The following KLHL14 variants were observed in gnomAD, a reference collection of about 807,000 sequenced individuals.
KLHL14 encodes kelch like family member 14, also known as kelch-like protein 14.
In KLHL14, 22 loss-of-function variants were observed where a neutral mutation model predicts 64.3. The observed-to-expected ratio is 0.34, with a 90% CI of 0.24 to 0.49. The LOEUF is 0.49. Ranked by LOEUF, KLHL14 falls within the 20% of genes least tolerant of loss-of-function variation. KLHL14 has a pLI of 0.99. For missense variants in KLHL14, 661 were observed against 789.0 expected, an observed-to-expected ratio of 0.84 and a Z score of 1.94; for synonymous variants, 322 against 333.4, an observed-to-expected ratio of 0.97 and a Z score of 0.37.
chr18:32,686,763 T>G (rs1183139646), intron 5 of KLHL14, among the ~76,000 whole-genome samples: 1 of 152,148 alleles, frequency 6.6e-6, no homozygotes, highest in Non-Finnish European at 1.5e-5. Flanking sequence ...TTAAATAATT[T>G]AATATTGAGT....
intron 2 of KLHL14, among the ~76,000 whole-genome samples, chr18:32,746,085 C>T (rs924651930): frequency 1.8e-4 from 27 of 152,122 alleles, no homozygotes; most frequent in African/African-American, 6.0e-4. Context: ...ACCAATTTAG[C>T]CCAAATTAAT....
intron 3 of KLHL14, among the ~76,000 whole-genome samples, chr18:32,725,533 G>A (rs1011308304): frequency 1.3e-5 from 2 of 152,164 alleles, no homozygotes; most frequent in African/African-American, 2.4e-5. Flanking sequence ...CGTGGCTAAT[G>A]AGCCAATGTC....
At chr18:32,733,382 A>T (rs1044441344) in intron 3 of KLHL14, among the ~76,000 whole-genome samples, 2 of 142,126 alleles carry the variant, frequency 1.4e-5, no homozygotes, top group Non-Finnish European at 3.1e-5. Flanking sequence ...AGAGAAAGAG[A>T]GAGAAAGGAG....
intron 3 of KLHL14, among the ~76,000 whole-genome samples, chr18:32,740,202 A>C (rs566445125): frequency 1.3e-5 from 2 of 152,312 alleles, no homozygotes; most frequent in African/African-American, 4.8e-5. Context: ...GTTCCAGTCT[A>C]TACCTGTTGT....
chr18:32,759,938 G>A (rs2050305280), intron 2 of KLHL14, among the ~76,000 whole-genome samples: 2 of 152,148 alleles, frequency 1.3e-5, no homozygotes, highest in South Asian at 4.1e-4. Flanking sequence ...AGAAAGTGGT[G>A]AGGGCCTAGT....
Position 32,735,672 on chromosome 18 carries a change from G to T in KLHL14, c.1069+6256C>A, listed in dbSNP as rs553840632. On this transcript the variant is annotated intron_variant, in intron 3 of 8. Transcript: ENST00000359358. ...ATTAGATCAGGACTCTCCACTGCCAGATCTTATATATTTTATACCCTTCTC... is the reference window on the plus strand; with the variant it reads ...ATTAGATCAGGACTCTCCACTGCCATATCTTATATATTTTATACCCTTCTC... 2.0e-4 allele frequency among the ~76,000 whole-genome samples: 30 copies of T among 152,158 alleles called. 1 individual carries two copies. The South Asian group carries it at 6.2e-3, about 32-fold the overall frequency.
At chr18:32,737,259 A>C (rs1414902339) in intron 3 of KLHL14, 1 of 152,166 alleles carries the variant, frequency 6.6e-6, no homozygotes, top group Non-Finnish European at 1.5e-5. Flanking sequence ...AAAGCCCTTA[A>C]TTTAACTTAC....
intron 3 of KLHL14, among the ~76,000 whole-genome samples, chr18:32,733,030 A>G (rs1216214238): frequency 6.6e-6 from 1 of 152,240 alleles, no homozygotes; most frequent in Non-Finnish European, 1.5e-5. Context: ...AGATGATCTC[A>G]GAAAAAGCTG....
chr18:32,768,956 C>T (rs79729852), intron 2 of KLHL14, among the ~76,000 whole-genome samples: 2 of 152,296 alleles, frequency 1.3e-5, no homozygotes, highest in East Asian at 3.9e-4. Context: ...AAGATTCACC[C>T]CATCACCCTG....
intron 8 of KLHL14, among the ~76,000 whole-genome samples, chr18:32,675,519 G>A (rs1183724004): frequency 6.6e-6 from 1 of 152,150 alleles, no homozygotes; most frequent in African/African-American, 2.4e-5. Context: ...TGAAGAATCA[G>A]AGCTAGGATT....
intron 3 of KLHL14, among the ~76,000 whole-genome samples, chr18:32,708,487 T>C (rs1023006337): frequency 5.3e-5 from 8 of 152,194 alleles, no homozygotes; most frequent in African/African-American, 1.7e-4. Flanking sequence ...GCGTGCCCTA[T>C]TCAATCTCTC....
chr18:32,726,439 C>T (rs2050108486), intron 3 of KLHL14, among the ~76,000 whole-genome samples: 1 of 152,008 alleles, frequency 6.6e-6, no homozygotes, highest in Non-Finnish European at 1.5e-5. Flanking sequence ...GCCTGGCCAA[C>T]ATGTTGAAAC....
chr18:32,750,032 G>T (rs750232680), intron 2 of KLHL14, among the ~76,000 whole-genome samples: 64 of 151,722 alleles, frequency 4.2e-4, no homozygotes, highest in Non-Finnish European at 7.9e-4. Context: ...GGTGAGGGGG[G>T]CAATGAGAGA....
intron 4 of KLHL14, among the ~76,000 whole-genome samples, chr18:32,689,377 A>G (rs1047518866): frequency 6.6e-6 from 1 of 152,158 alleles, no homozygotes; most frequent in African/African-American, 2.4e-5. Flanking sequence ...TAGGGGGGAA[A>G]GGTGTGGTAT....
At chr18:32,728,840 T>C (rs944731590) in intron 3 of KLHL14, among the ~76,000 whole-genome samples, 14 of 151,920 alleles carry the variant, frequency 9.2e-5, no homozygotes, top group African/African-American at 3.1e-4. Flanking sequence ...GAGACAGAGA[T>C]TGAAGTGATG....
In KLHL14 at chr18:32,674,362, T is replaced by C; in HGVS notation, c.*295A>G. 3.2e-6 allele frequency: 1 copy of C among 308,008 alleles called. No individual in the cohort carries two copies. The highest frequency in any genetic ancestry group is 6.1e-6 in the Non-Finnish European group (1 of 164,542). 19.1% of individuals were successfully genotyped at this position (308,008 alleles called of 1,614,324 possible). On this transcript the variant is annotated 3_prime_UTR_variant, in exon 9 of 9. Coordinates refer to ENST00000359358, the MANE Select transcript of KLHL14 (RefSeq NM_020805.3). ...GGGCCAGTCTTCTGTATTTTATCTT[T>C]CTCCTTTTGCAAGTTAAGATTCACA...
In KLHL14 at chr18:32,717,158, G is replaced by A. The variant is rs141655563; in HGVS notation, c.1070-21606C>T. On this transcript the variant is annotated intron_variant, in intron 3 of 8. Coordinates refer to ENST00000359358, the MANE Select transcript of KLHL14 (RefSeq NM_020805.3). Reference sequence around the variant, plus strand: ...TTCTATTTGGCCCACTTTTAGTTACGTGAGAAAACGTTATAAATTCCTGTC... The same window carrying A: ...TTCTATTTGGCCCACTTTTAGTTACATGAGAAAACGTTATAAATTCCTGTC... 1.2e-3 allele frequency among the ~76,000 whole-genome samples: 184 copies of A among 152,302 alleles called. 1 individual carries two copies. The highest frequency in any genetic ancestry group is 3.1e-3 in the South Asian group (15 of 4,822).
At chr18:32,722,122 C>T (rs992266586) in intron 3 of KLHL14, among the ~76,000 whole-genome samples, 1 of 152,180 alleles carries the variant, frequency 6.6e-6, no homozygotes, top group Non-Finnish European at 1.5e-5. Context: ...TGACTTGCTC[C>T]TCCTTGCCTT....
intron 3 of KLHL14, among the ~76,000 whole-genome samples, chr18:32,706,982 A>T (rs2049993824): frequency 6.6e-6 from 1 of 152,122 alleles, no homozygotes; most frequent in Non-Finnish European, 1.5e-5. Context: ...GGGCAATGGT[A>T]CCTGGTACCT....
Sources: allele counts gnomAD v4.1 joint callset (sites outside exome capture counted in the v4.1 genomes callset), GRCh38; gene constraint gnomAD v4.1.1; transcripts MANE v1.5; gene names NCBI Gene and HGNC (gene_info 2026-07-23, HGNC 2026-07-21).